Variants in IL1RAPL1 observed in about 807,000 individuals in gnomAD.
The protein encoded by IL1RAPL1 is interleukin 1 receptor accessory protein like 1, also known as interleukin-1 receptor accessory protein-like 1.
IL1RAPL1 carries 3 observed loss-of-function variants against 48.4 expected under a neutral mutation model. The observed-to-expected ratio is 0.06, with a 90% CI of 0.03 to 0.16. IL1RAPL1 has a LOEUF of 0.16. IL1RAPL1 is among the 10% of genes least tolerant of loss of function. The pLI is 1.00. For synonymous variants in IL1RAPL1, 185 were observed against 187.7 expected (o/e 0.99, Z 0.12); for missense variants, 349 against 530.6 (o/e 0.66, Z 3.36).
At chrX:28,713,278 G>A (rs1169769852) in intron 1 of IL1RAPL1, among the ~76,000 whole-genome samples, 2 of 110,123 alleles carry the variant, frequency 1.8e-5, no homozygotes, top group Non-Finnish European at 3.8e-5. Flanking sequence ...GGATGGTCTC[G>A]ATCTCCTGAA....
rs6628391 is a variant in IL1RAPL1, at chrX:28,792,818, T to A, written c.82+3393T>A. Among the ~76,000 whole-genome samples the A allele has an allele frequency of 5.0e-3, 159 of 31,903 alleles. 2 individuals are homozygous for A. Among genetic ancestry groups the A allele is most frequent in the African/African-American group, 0.022 (96 of 4,296 alleles). 27.7% of individuals were successfully genotyped at this position (31,903 alleles called of 115,157 possible). Reference sequence around the variant, plus strand: ...AAAAAAAAAAAAAAAAAAAAAAAAATATATATATATATATATATATATATA... The same window carrying A: ...AAAAAAAAAAAAAAAAAAAAAAAAAAATATATATATATATATATATATATA... On this transcript the variant is annotated intron_variant, in intron 2 of 10. Coordinates refer to ENST00000378993, the MANE Select transcript of IL1RAPL1 (RefSeq NM_014271.4).
At chrX:29,406,178 A>G (rs1934064747) in intron 5 of IL1RAPL1, among the ~76,000 whole-genome samples, 1 of 111,405 alleles carries the variant, frequency 9.0e-6, no homozygotes, top group South Asian at 3.8e-4. Context: ...TCACAAGGTC[A>G]GGAGATCAAG....
At chrX:28,784,007 G>A (rs1345563692) in intron 1 of IL1RAPL1, among the ~76,000 whole-genome samples, 1 of 111,221 alleles carries the variant, frequency 9.0e-6, no homozygotes, top group Non-Finnish European at 1.9e-5. Flanking sequence ...ATCATGATAG[G>A]CACTCCATAA....
intron 2 of IL1RAPL1, among the ~76,000 whole-genome samples, chrX:29,253,880 G>A (rs945316243): frequency 9.0e-6 from 1 of 111,329 alleles, no homozygotes; most frequent in Admixed American, 9.6e-5. Flanking sequence ...CTGAAAAATG[G>A]CAAGCATTTA....
chrX:29,431,223 T>A (rs1016781420), intron 5 of IL1RAPL1, among the ~76,000 whole-genome samples: 3 of 112,274 alleles, frequency 2.7e-5, no homozygotes, highest in Non-Finnish European at 5.6e-5. Flanking sequence ...GTGTATGAAG[T>A]CTGACTTGAA....
intron 2 of IL1RAPL1, among the ~76,000 whole-genome samples, chrX:28,827,212 TTAAA>T (rs1284976984): frequency 2.7e-5 from 3 of 111,487 alleles, no homozygotes; most frequent in East Asian, 5.6e-4. Flanking sequence ...ATATTTTTAT[TTAAA>T]TAATCTCCAT....
intron 2 of IL1RAPL1, among the ~76,000 whole-genome samples, chrX:29,182,886 G>A (rs1312246781): frequency 1.8e-5 from 2 of 111,316 alleles, no homozygotes; most frequent in Admixed American, 1.9e-4. Context: ...TAAGAGGGAG[G>A]CAGGAGAGTT....
At chrX:29,828,903 A>C (rs1729013498) in intron 6 of IL1RAPL1, among the ~76,000 whole-genome samples, 2 of 109,484 alleles carry the variant, frequency 1.8e-5, no homozygotes. Context: ...CCGGGGGGAA[A>C]AAAAGAGGAG....
At chrX:29,933,672 A>AAG (rs1398979783) in intron 8 of IL1RAPL1, among the ~76,000 whole-genome samples, 102 of 109,941 alleles carry the variant, frequency 9.3e-4, no homozygotes, top group African/African-American at 3.1e-3. Flanking sequence ...AAAAAAAAAA[A>AAG]AGAGAGAGAA....
At chrX:29,824,537 T>C (rs1930690143) in intron 6 of IL1RAPL1, among the ~76,000 whole-genome samples, 1 of 111,867 alleles carries the variant, frequency 8.9e-6, no homozygotes, top group South Asian at 3.7e-4. Flanking sequence ...TACACTTGAG[T>C]TCCAATCCAA....
At chrX:29,251,664 A>T (rs1212664915) in intron 2 of IL1RAPL1, among the ~76,000 whole-genome samples, 1 of 111,264 alleles carries the variant, frequency 9.0e-6, no homozygotes, top group Non-Finnish European at 1.9e-5. Flanking sequence ...AATTACAGAC[A>T]GGACACAGAA....
Position 29,617,656 on chromosome X carries a change from T to C in IL1RAPL1, c.704-50774T>C, listed in dbSNP as rs773386657. Among the ~76,000 whole-genome samples, 7 of 112,213 alleles carry C rather than the reference T, an allele frequency of 6.2e-5. No homozygotes were observed. The South Asian group carries it at 2.6e-3, about 41-fold the overall frequency. On this transcript the variant is annotated intron_variant, in intron 5 of 10. Transcript: ENST00000378993. ...CAGTTCTTAAACTAAAGCTCATGTG[T>C]CTGCAATGGACAATCCTGCCTCAAC... is the stretch of plus-strand genomic sequence containing the variant.
At position 29,440,129 on chromosome X, in the gene IL1RAPL1, T is replaced by C. The variant is rs188236948; in HGVS notation, c.703+40821T>C. On this transcript the variant is annotated intron_variant, in intron 5 of 10. Transcript: ENST00000378993. Reference sequence around the variant, plus strand: ...TATTTGGTATTTCAGATAGAGATCATGGAATCCTATTAAATGATATATGTC... The same window carrying C: ...TATTTGGTATTTCAGATAGAGATCACGGAATCCTATTAAATGATATATGTC... Among the ~76,000 whole-genome samples, 12 of 109,943 alleles carry C rather than the reference T, an allele frequency of 1.1e-4. No homozygotes were observed. In the East Asian group the frequency reaches 3.4e-3, roughly 31 times the overall value.
At chrX:29,250,672 AAAG>A (rs1931589818) in intron 2 of IL1RAPL1, among the ~76,000 whole-genome samples, 1 of 111,716 alleles carries the variant, frequency 9.0e-6, no homozygotes. Flanking sequence ...CTGCAAGGAA[AAAG>A]AAGGGTATTT....
chrX:29,480,270 A>G (rs2147745663), intron 5 of IL1RAPL1, among the ~76,000 whole-genome samples: 1 of 91,522 alleles, frequency 1.1e-5, no homozygotes, highest in African/African-American at 4.3e-5. Flanking sequence ...GAAGCATGAT[A>G]TATGTATACA....
chrX:29,738,141 C>T (rs1445541739), intron 6 of IL1RAPL1, among the ~76,000 whole-genome samples: 1 of 112,008 alleles, frequency 8.9e-6, no homozygotes, highest in African/African-American at 3.2e-5. Flanking sequence ...GGCTACTTTG[C>T]GAATCAATTC....
chrX:28,803,176 T>C (rs1285107232), intron 2 of IL1RAPL1, among the ~76,000 whole-genome samples: 1 of 111,906 alleles, frequency 8.9e-6, no homozygotes, highest in Non-Finnish European at 1.9e-5. Flanking sequence ...AAAAATCCTC[T>C]TTTAATACAT....
chrX:29,684,680 G>A (rs978393684), intron 6 of IL1RAPL1, among the ~76,000 whole-genome samples: 1 of 111,574 alleles, frequency 9.0e-6, no homozygotes, highest in Admixed American at 9.6e-5. Flanking sequence ...CTTCGAGCAT[G>A]AAGTTCTTTT....
intron 6 of IL1RAPL1, among the ~76,000 whole-genome samples, chrX:29,769,165 T>C (rs774760113): frequency 4.8e-4 from 54 of 111,736 alleles, no homozygotes; most frequent in Middle Eastern, 9.3e-3. Context: ...TTCTTTCACA[T>C]TGATGTTTTC....
Sources: allele counts gnomAD v4.1 joint callset (sites outside exome capture counted in the v4.1 genomes callset), GRCh38; gene constraint gnomAD v4.1.1; transcripts MANE v1.5; gene names NCBI Gene and HGNC (gene_info 2026-07-23, HGNC 2026-07-21).